Variants in ZFAT observed in about 807,000 individuals in gnomAD.
ZFAT encodes the protein zinc finger and AT-hook domain containing, also known as zinc finger protein ZFAT.
Under a neutral mutation model 117.7 loss-of-function variants are expected in ZFAT, and 64 were observed. The observed-to-expected ratio is 0.54, with a 90% CI of 0.44 to 0.67. The LOEUF (loss-of-function observed/expected upper bound fraction) is 0.67. ZFAT is among the 30% of genes least tolerant of loss of function. The pLI, the probability that ZFAT is intolerant of heterozygous loss-of-function variation, is 0.00. For missense variants in ZFAT, 1,433 were observed against 1,584.5 expected (o/e 0.90, Z 1.62); for synonymous variants, 679 against 615.0 (o/e 1.10, Z -1.54).
chr8:134,599,233 G>A (rs9644465), intron 7 of ZFAT: 32,416 of 152,294 alleles, frequency 0.21, 4,109 homozygotes, highest in East Asian at 0.53. Context: ...AATGACATGC[G>A]ATAGCCGGTA....
chr8:134,733,531 C>T, the ZFAT span, among the ~76,000 whole-genome samples: 1 of 152,236 alleles, frequency 6.6e-6, no homozygotes, highest in South Asian at 2.1e-4. Context: ...GACCTATTGT[C>T]CTTATCATAT....
chr8:134,541,253 T>C (rs927563681), intron 11 of ZFAT, among the ~76,000 whole-genome samples: 3 of 152,240 alleles, frequency 2.0e-5, no homozygotes, highest in Admixed American at 1.3e-4. Context: ...TCTGCCCTCA[T>C]GAATGGATTT....
rs565749655 is a variant in ZFAT at position 134,677,990 on chromosome 8, C to T, written c.20-20253G>A. Among the ~76,000 whole-genome samples, 4 of 152,262 alleles carry T rather than the reference C, an allele frequency of 2.6e-5. No homozygotes were observed. The East Asian group carries it at 5.8e-4, about 22-fold the overall frequency. ...TTTATGACAAACCCACAGCCAATATCGTATTGAATGGGCAAAAACTGGAAG... is the reference window on the plus strand; with the variant it reads ...TTTATGACAAACCCACAGCCAATATTGTATTGAATGGGCAAAAACTGGAAG... On this transcript the variant is annotated intron_variant, in intron 1 of 15. Transcript: ENST00000377838.
chr8:134,721,510 A>G, the ZFAT span, among the ~76,000 whole-genome samples: 4 of 152,154 alleles, frequency 2.6e-5, no homozygotes, highest in African/African-American at 9.7e-5. Context: ...GTGCACATAC[A>G]TGATTCATCT....
At chr8:134,499,267 G>A (rs1818751407) in intron 15 of ZFAT, among the ~76,000 whole-genome samples, 1 of 125,212 alleles carries the variant, frequency 8.0e-6, no homozygotes, top group South Asian at 3.0e-4. Context: ...GGTAGGGTCG[G>A]GGTGGAGCTG....
At chr8:134,645,863 T>G (rs968311282) in intron 2 of ZFAT, among the ~76,000 whole-genome samples, 2 of 152,140 alleles carry the variant, frequency 1.3e-5, no homozygotes, top group African/African-American at 4.8e-5. Context: ...TGAAAAATTC[T>G]CCAAAACAGA....
intron 5 of ZFAT, among the ~76,000 whole-genome samples, chr8:134,608,197 A>C (rs762200711): frequency 2.0e-5 from 3 of 152,252 alleles, no homozygotes; most frequent in Non-Finnish European, 4.4e-5. Context: ...GCAAAAAACA[A>C]CAAAATTAAA....
At chr8:134,568,088 C>T (rs1317944624) in intron 10 of ZFAT, among the ~76,000 whole-genome samples, 4 of 152,228 alleles carry the variant, frequency 2.6e-5, no homozygotes, top group African/African-American at 2.4e-5. Context: ...ATATTCCATG[C>T]ATTTCATTAA....
At chr8:134,769,041 G>T in the ZFAT span, among the ~76,000 whole-genome samples, 5,561 of 152,202 alleles carry the variant, frequency 0.037, 223 homozygotes, top group African/African-American at 0.096. Flanking sequence ...GTGTGGTGGG[G>T]TGTGCAATGT....
chr8:134,733,187 T>C, the ZFAT span, among the ~76,000 whole-genome samples: 1 of 152,224 alleles, frequency 6.6e-6, no homozygotes, highest in Non-Finnish European at 1.5e-5. Flanking sequence ...TCTGGATTTC[T>C]GTCTTCATGC....
intron 3 of ZFAT, among the ~76,000 whole-genome samples, chr8:134,631,501 T>A (rs1450071144): frequency 6.6e-6 from 1 of 152,174 alleles, no homozygotes; most frequent in Non-Finnish European, 1.5e-5. Flanking sequence ...CATCTCAAAT[T>A]CTTCAGTCAT....
At chr8:134,740,512 G>A in the ZFAT span, among the ~76,000 whole-genome samples, 1 of 152,174 alleles carries the variant, frequency 6.6e-6, no homozygotes, top group South Asian at 2.1e-4. Flanking sequence ...ATTACAGATA[G>A]TTTGACCACA....
chr8:134,481,723 C>T (rs1817320482), intron 15 of ZFAT, among the ~76,000 whole-genome samples: 1 of 152,190 alleles, frequency 6.6e-6, no homozygotes, highest in Non-Finnish European at 1.5e-5. Context: ...CCCTCGCTGG[C>T]CTGGAAATGG....
chr8:134,517,715 G>A (rs1820352569), intron 13 of ZFAT, among the ~76,000 whole-genome samples: 1 of 152,146 alleles, frequency 6.6e-6, no homozygotes, highest in Admixed American at 6.5e-5. Flanking sequence ...GTCTCCTCCT[G>A]GCTGTGAAAG....
chr8:134,744,395 A>C, the ZFAT span, among the ~76,000 whole-genome samples: 1 of 150,824 alleles, frequency 6.6e-6, no homozygotes, highest in African/African-American at 2.4e-5. Context: ...TTGCAGGTTC[A>C]AGCAATTCTC....
rs1311755051 is a variant in ZFAT, at chr8:134,588,355, C to T, written c.2604G>A (p.Arg868=). Residue 868 remains arginine, a synonymous_variant, in exon 9 of 16, where the codon AGG becomes AGA. Coordinates refer to ENST00000377838, the MANE Select transcript of ZFAT (RefSeq NM_020863.4). ...TTCCAATTAGCCCTTTCAGCTGAAC[C>T]CTCCTCCCGAGAACCTCAGAAATGG... is the stretch of plus-strand genomic sequence containing the variant. The part of the protein sequence containing the change: ...MSTISEVLGR[R]VQLKGLIGKR... 1 of 1,593,722 alleles carries T rather than the reference C, an allele frequency of 6.3e-7. No homozygotes were observed.
the ZFAT span, among the ~76,000 whole-genome samples, chr8:134,824,519 G>A: frequency 1.5e-4 from 23 of 152,278 alleles, no homozygotes; most frequent in Non-Finnish European, 3.1e-4. Flanking sequence ...GGTTGAAACC[G>A]GGATGAAATG....
intron 2 of ZFAT, among the ~76,000 whole-genome samples, chr8:134,653,291 AC>A (rs550605145): frequency 0.058 from 5,835 of 100,996 alleles, 296 homozygotes; most frequent in Non-Finnish European, 0.081. Context: ...AAAAAAAAAA[AC>A]AAAAAACAGG....
intron 3 of ZFAT, among the ~76,000 whole-genome samples, chr8:134,613,088 T>A (rs994861907): frequency 3.3e-5 from 5 of 152,122 alleles, no homozygotes; most frequent in Admixed American, 1.3e-4. Context: ...TATAAAAAGG[T>A]AGAAACAACA....
Sources: allele counts gnomAD v4.1 joint callset (sites outside exome capture counted in the v4.1 genomes callset), GRCh38; gene constraint gnomAD v4.1.1; transcripts MANE v1.5; gene names NCBI Gene and HGNC (gene_info 2026-07-23, HGNC 2026-07-21).